The following JMJD1C variants were observed in gnomAD, a reference collection of about 807,000 sequenced individuals.
JMJD1C encodes jumonji domain containing 1C.
JMJD1C carries 31 observed loss-of-function variants against 245.3 expected under a neutral mutation model. The ratio of observed to expected loss-of-function variants is 0.13; its 90% confidence interval spans 0.09 to 0.17. The LOEUF (loss-of-function observed/expected upper bound fraction) is 0.17. JMJD1C is among the 10% of genes least tolerant of loss of function. The pLI, the probability that JMJD1C is intolerant of heterozygous loss-of-function variation, is 1.00. For missense variants in JMJD1C, 2,691 were observed against 3,000.2 expected (o/e 0.90, Z 2.41); for synonymous variants, 1,057 against 1,017.4 (o/e 1.04, Z -0.74).
chr10:63,501,173 C>T (rs769855341), intron 1 of JMJD1C, among the ~76,000 whole-genome samples: 1 of 152,038 alleles, frequency 6.6e-6, no homozygotes, highest in Non-Finnish European at 1.5e-5. Context: ...CATGAATGTC[C>T]ATATTATCAG....
rs141326849 is a variant in JMJD1C, at chr10:63,271,363, G to C, written c.334-6599C>G. On this transcript the variant is annotated intron_variant, in intron 2 of 25. Coordinates refer to ENST00000399262, the MANE Select transcript of JMJD1C (RefSeq NM_032776.3). ...GGCTAATTTTTGTATTTTCAGTAGAGACAGGGGTGTCATCATGTTGACCAG... is the reference window on the plus strand; with the variant it reads ...GGCTAATTTTTGTATTTTCAGTAGACACAGGGGTGTCATCATGTTGACCAG... 6.9e-4 allele frequency among the ~76,000 whole-genome samples: 105 copies of C among 151,488 alleles called. 2 individuals carry two copies. Among genetic ancestry groups the C allele is most frequent in the African/African-American group, 2.5e-3 (102 of 41,224 alleles).
chr10:63,228,351 T>C (rs532258055), intron 3 of JMJD1C, among the ~76,000 whole-genome samples: 1 of 152,274 alleles, frequency 6.6e-6, no homozygotes, highest in African/African-American at 2.4e-5. Context: ...TTTTTTCAAC[T>C]GTTTAAAAAT....
intron 2 of JMJD1C, among the ~76,000 whole-genome samples, chr10:63,377,430 T>G (rs937059059): frequency 6.6e-6 from 1 of 152,126 alleles, no homozygotes; most frequent in African/African-American, 2.4e-5. Flanking sequence ...AATTAAAAAT[T>G]TTTATTAAAA....
intron 2 of JMJD1C, chr10:63,373,001 GT>G: frequency 4.0e-6 from 1 of 252,354 alleles, no homozygotes; most frequent in South Asian, 4.5e-5. Flanking sequence ...CCCACAGAAG[GT>G]TTTCCTAAAG....
chr10:63,230,597 A>C (rs1398070828), intron 3 of JMJD1C, among the ~76,000 whole-genome samples: 2 of 151,998 alleles, frequency 1.3e-5, no homozygotes, highest in African/African-American at 4.8e-5. Context: ...TAGTTACTTA[A>C]ACCCTGGCTC....
chr10:63,318,905 G>GGTTTTTGTATTCTT (rs1397963813), intron 2 of JMJD1C, among the ~76,000 whole-genome samples: 7 of 152,062 alleles, frequency 4.6e-5, no homozygotes, highest in Non-Finnish European at 7.4e-5. Context: ...AAAACCTTCT[G>GGTTTTTGTATTCTT]GTATCTGTAT....
chr10:63,200,730 A>T, intron 10 of JMJD1C, 53 bp from the exon 11 acceptor site: 1 of 1,459,444 alleles, frequency 6.9e-7, no homozygotes, highest in East Asian at 2.3e-5. Flanking sequence ...AAAAAGTTAA[A>T]CTCCTTGAGA....
At chr10:63,420,520 C>G (rs1164647626) in intron 1 of JMJD1C, among the ~76,000 whole-genome samples, 1 of 151,532 alleles carries the variant, frequency 6.6e-6, no homozygotes, top group East Asian at 1.9e-4. Context: ...GCCTGGACAA[C>G]ATGGCAAAAC....
Position 63,214,771 on chromosome 10 carries a change from C to A in JMJD1C, c.1396G>T (p.Glu466Ter). The A allele has an allele frequency of 6.2e-7, 1 of 1,613,726 alleles. No individual in the cohort carries two copies. The highest frequency in any genetic ancestry group is 1.1e-5 in the South Asian group (1 of 91,058). The change falls in exon 8 of 26, where the codon GAA (glutamate) becomes TAA (stop). Residue 466 changes from glutamate (E) to a stop codon, truncating the protein, a stop_gained. Transcript: ENST00000399262. LOFTEE classifies it high-confidence loss of function. ...TTATGATCAGAAACTGTGGACTGTT[C>A]TGACGAATGAATAATCATATCTTCT... The part of the protein sequence containing the change: ...LQEDMIIHSS[E>*]QSTVSDHNSN...
At chr10:63,495,788 G>T (rs1954346310) in intron 1 of JMJD1C, among the ~76,000 whole-genome samples, 1 of 149,462 alleles carries the variant, frequency 6.7e-6, no homozygotes, top group Admixed American at 6.6e-5. Context: ...AATTGAGAAA[G>T]GGAAAGAATG....
intron 2 of JMJD1C, among the ~76,000 whole-genome samples, chr10:63,369,261 C>A (rs1946103090): frequency 6.6e-6 from 1 of 152,010 alleles, no homozygotes; most frequent in Non-Finnish European, 1.5e-5. Context: ...CTCGCCTCAG[C>A]CTCCCAAGCA....
At chr10:63,431,057 C>T (rs1196554895) in intron 1 of JMJD1C, among the ~76,000 whole-genome samples, 1 of 152,132 alleles carries the variant, frequency 6.6e-6, no homozygotes, top group Non-Finnish European at 1.5e-5. Flanking sequence ...AATGGCTTAA[C>T]ACCTACATTA....
intron 18 of JMJD1C, among the ~76,000 whole-genome samples, chr10:63,186,680 A>C (rs1844170937): frequency 6.6e-6 from 1 of 152,212 alleles, no homozygotes. Flanking sequence ...CGGAGGGTAG[A>C]TGTCCTCTCC....
intron 1 of JMJD1C, among the ~76,000 whole-genome samples, chr10:63,387,171 C>A (rs954827944): frequency 6.6e-6 from 1 of 152,146 alleles, no homozygotes; most frequent in Admixed American, 6.5e-5. Context: ...AGGAAAAATT[C>A]CTCCCCTATG....
chr10:63,360,263 A>G (rs1288722839), intron 2 of JMJD1C, among the ~76,000 whole-genome samples: 1 of 152,144 alleles, frequency 6.6e-6, no homozygotes, highest in East Asian at 1.9e-4. Flanking sequence ...TGGGAGGCTG[A>G]GGTAGAAGCA....
chr10:63,258,739 C>A (rs372032387), intron 3 of JMJD1C, among the ~76,000 whole-genome samples: 1 of 152,170 alleles, frequency 6.6e-6, no homozygotes, highest in Admixed American at 6.5e-5. Flanking sequence ...TAAATCCAGT[C>A]TACTTCAAGG....
intron 1 of JMJD1C, among the ~76,000 whole-genome samples, chr10:63,473,497 T>C (rs890092675): frequency 1.3e-5 from 2 of 151,836 alleles, no homozygotes; most frequent in Non-Finnish European, 2.9e-5. Context: ...TCCTCCCACC[T>C]TGGCCTCCCA....
chr10:63,242,716 ACT>A (rs972038650), intron 3 of JMJD1C, among the ~76,000 whole-genome samples: 5 of 152,150 alleles, frequency 3.3e-5, no homozygotes, highest in African/African-American at 1.2e-4. Flanking sequence ...ACAGAGCGAG[ACT>A]CTGTCTCAAA....
chr10:63,353,838 C>CT (rs1483958152), intron 2 of JMJD1C, among the ~76,000 whole-genome samples: 2 of 150,862 alleles, frequency 1.3e-5, no homozygotes, highest in African/African-American at 4.9e-5. Context: ...ATTACTGAGG[C>CT]TTTTTTTGTC....
Sources: gnomAD v4.1 joint callset for allele counts (sites outside exome capture counted in the v4.1 genomes callset) on GRCh38, gnomAD v4.1.1 for gene constraint, MANE v1.5 for transcripts, NCBI Gene and HGNC (gene_info 2026-07-23, HGNC 2026-07-21) for gene names.